POGK: variants seen among roughly 807,000 people sequenced by gnomAD.
POGK encodes pogo transposable element derived with KRAB domain.
POGK carries 16 observed loss-of-function variants against 54.4 expected under a neutral mutation model. The observed-to-expected ratio is 0.29, with a 90% CI of 0.20 to 0.45. POGK has a LOEUF of 0.45. POGK is among the 20% of genes least tolerant of loss of function. The pLI, the probability that POGK is intolerant of heterozygous loss-of-function variation, is 1.00. For missense variants in POGK, 515 were observed against 795.6 expected, an observed-to-expected ratio of 0.65 and a Z score of 4.24; for synonymous variants, 271 against 302.2, an observed-to-expected ratio of 0.90 and a Z score of 1.07.
At chr1:166,843,846 G>A (rs1230935029) in intron 2 of POGK, among the ~76,000 whole-genome samples, 3 of 152,248 alleles carry the variant, frequency 2.0e-5, no homozygotes, top group African/African-American at 7.2e-5. Context: ...TTGATCTTCT[G>A]AGGAAAGGGA....
intron 5 of POGK, 73 bp downstream of exon 5, chr1:166,850,496 A>G: frequency 6.8e-7 from 1 of 1,466,970 alleles, no homozygotes; most frequent in Admixed American, 2.4e-5. Flanking sequence ...TCTCTCCATT[A>G]TTTTTCTGTT....
chr1:166,844,644 C>G (rs1000845448), intron 2 of POGK, among the ~76,000 whole-genome samples: 2 of 152,154 alleles, frequency 1.3e-5, no homozygotes, highest in Non-Finnish European at 2.9e-5. Context: ...TTGCCTAGAT[C>G]GTATATTCAA....
chr1:166,855,012 T>C lies in POGK; in HGVS notation c.*2442T>C, dbSNP rs1658225652. 6.6e-6 allele frequency: 1 copy of C among 152,222 alleles called. No individual in the cohort carries two copies. The highest frequency in any genetic ancestry group is 2.4e-5 in the African/African-American group (1 of 41,454). The allele number at this position is 152,222 out of a possible 1,614,324, so 9.4% of individuals were successfully genotyped here. Reference sequence around the variant, plus strand: ...ATTTTGGAATGAGTCAAAGGCATGGTAGGACACGGCATTTACCTGTGGTCA... The same window carrying C: ...ATTTTGGAATGAGTCAAAGGCATGGCAGGACACGGCATTTACCTGTGGTCA... On this transcript the variant is annotated 3_prime_UTR_variant, in exon 6 of 6. Transcript: ENST00000367876.
chr1:166,842,552 C>T (rs898245807), intron 2 of POGK, among the ~76,000 whole-genome samples: 5 of 152,308 alleles, frequency 3.3e-5, no homozygotes, highest in Non-Finnish European at 7.3e-5. Context: ...CAAGGATGCA[C>T]CAGGAGCCAA....
chr1:166,844,270 C>T (rs1657742475), intron 2 of POGK, among the ~76,000 whole-genome samples: 1 of 152,100 alleles, frequency 6.6e-6, no homozygotes, highest in African/African-American at 2.4e-5. Context: ...TATTGATGGC[C>T]CCTCTGAAAT....
chr1:166,846,797 G>A, intron 3 of POGK, 59 bp downstream of exon 3: 2 of 1,598,866 alleles, frequency 1.3e-6, no homozygotes, highest in African/African-American at 2.7e-5. Context: ...TTGTTTCCAT[G>A]CCTCTCTTCT....
chr1:166,843,547 G>T (rs553594848), intron 2 of POGK, among the ~76,000 whole-genome samples: 14 of 152,296 alleles, frequency 9.2e-5, no homozygotes, highest in African/African-American at 3.4e-4. Context: ...TGATCCCCAT[G>T]TCCCTAGTTT....
chr1:166,850,442 A>T lies in POGK; in HGVS notation c.*14+19A>T. The T allele has an allele frequency of 1.3e-6, 2 of 1,562,266 alleles. No homozygotes were observed. The highest frequency in any genetic ancestry group is 1.7e-6 in the Non-Finnish European group (2 of 1,162,090). Reference sequence around the variant, plus strand: ...GGGAAAGGTAACCACTCAGGAGTAGATACTCAGTGCCTTTGCTGACATGTC... The same window carrying T: ...GGGAAAGGTAACCACTCAGGAGTAGTTACTCAGTGCCTTTGCTGACATGTC... On this transcript the variant is annotated intron_variant, in intron 5 of 5. Transcript: ENST00000367876.
Position 166,839,623 on chromosome 1 carries a change from G to GGGC in POGK, c.-3+30_-3+32dup, listed in dbSNP as rs1001626465. The GGGC allele has an allele frequency of 2.0e-5, 3 of 146,654 alleles. No homozygotes were observed. Among genetic ancestry groups the GGGC allele is most frequent in the African/African-American group, 7.3e-5 (3 of 40,930 alleles). The allele number at this position is 146,654 out of a possible 1,614,324, so 9.1% of individuals were successfully genotyped here. ...CCCGGCGGTGAGTGCGCGCGGGCGG[G>GGGC]GGCGGCGGCGGCGCGGCCCCTCCCC... On this transcript the variant is annotated intron_variant, in intron 1 of 5. Coordinates refer to ENST00000367876, the MANE Select transcript of POGK (RefSeq NM_017542.5).
chr1:166,845,572 A>G (rs2101754652), intron 2 of POGK, among the ~76,000 whole-genome samples: 2 of 152,276 alleles, frequency 1.3e-5, no homozygotes, highest in South Asian at 2.1e-4. Flanking sequence ...TGCAGGCTAT[A>G]TAGCATATGG....
chr1:166,844,675 A>C (rs1009688974), intron 2 of POGK, among the ~76,000 whole-genome samples: 1 of 152,246 alleles, frequency 6.6e-6, no homozygotes, highest in Admixed American at 6.5e-5. Flanking sequence ...TTCAGTGACT[A>C]CTAGCTACAG....
intron 2 of POGK, among the ~76,000 whole-genome samples, chr1:166,844,943 G>A (rs1228779350): frequency 2.0e-5 from 3 of 152,180 alleles, no homozygotes; most frequent in Non-Finnish European, 4.4e-5. Flanking sequence ...ACCAAGAAAG[G>A]GGAGGCCCTC....
In POGK at chr1:166,849,700, C is replaced by T; in HGVS notation, c.1121C>T (p.Ser374Leu). 2.5e-6 allele frequency: 4 copies of T among 1,614,274 alleles called. No homozygotes were observed. Among genetic ancestry groups the T allele is most frequent in the Non-Finnish European group, 2.5e-6 (3 of 1,180,056 alleles). The part of the protein sequence containing the change: ...DETPICLEVP[S>L]RVTVDNQGEK... Reference sequence around the variant, plus strand: ...ACGCCCATTTGTTTAGAGGTGCCATCACGGGTAACTGTTGATAACCAGGGC... The same window carrying T: ...ACGCCCATTTGTTTAGAGGTGCCATTACGGGTAACTGTTGATAACCAGGGC... Residue 374 changes from serine to leucine, a missense_variant, in exon 5 of 6, where the codon TCA (serine) becomes TTA (leucine). By Grantham distance (145) the Ser-to-Leu change is moderately radical. This residue lies in a region of POGK where 461 missense variants were observed against 743.5 expected (regional missense o/e 0.62). Transcript: ENST00000367876.
In POGK at chr1:166,847,558, T is replaced by A; in HGVS notation, c.324T>A (p.Ser108=). ...RLEGEEESQN[S]DEWQLQGGTS... The stretch of plus-strand genomic sequence containing the variant: ...AAGGGGAGGAGGAGTCTCAGAATTC[T>A]GACGAGTGGCAGCTCCAAGGAGGCA... Residue 108 remains serine (S), a synonymous_variant, in exon 4 of 6, where the codon TCT becomes TCA. Coordinates refer to ENST00000367876, the MANE Select transcript of POGK (RefSeq NM_017542.5). The A allele has an allele frequency of 6.2e-7, 1 of 1,613,968 alleles. No individual in the cohort carries two copies. The highest frequency in any genetic ancestry group is 8.5e-7 in the Non-Finnish European group (1 of 1,179,882).
intron 5 of POGK, chr1:166,851,315 C>T (rs1248575777): frequency 6.6e-6 from 1 of 152,170 alleles, no homozygotes; most frequent in Non-Finnish European, 1.5e-5. Flanking sequence ...ATAATAGCTT[C>T]TACTTGCTTT....
In POGK at chr1:166,853,858, C is replaced by G. The variant is rs1202259979; in HGVS notation, c.*1288C>G. 2.6e-5 allele frequency: 4 copies of G among 152,266 alleles called. No homozygotes were observed. The highest frequency in any genetic ancestry group is 5.9e-5 in the Non-Finnish European group (4 of 68,042). 9.4% of individuals were successfully genotyped at this position (152,266 alleles called of 1,614,324 possible). A position where few individuals can be genotyped will look rare whatever the true frequency, so the allele number is the denominator to read the frequency against. Reference sequence around the variant, plus strand: ...ACTGATTCACCTTTCTGATCCTTTTCAACCAGTTTTCCCCCAAGGGGGGAA... The same window carrying G: ...ACTGATTCACCTTTCTGATCCTTTTGAACCAGTTTTCCCCCAAGGGGGGAA... On this transcript the variant is annotated 3_prime_UTR_variant, in exon 6 of 6. Transcript: ENST00000367876.
At position 166,849,048 on chromosome 1, in the gene POGK, G is replaced by A; in HGVS notation, c.469G>A (p.Asp157Asn). The A allele has an allele frequency of 6.2e-7, 1 of 1,614,188 alleles. No homozygotes were observed. The change falls in exon 5 of 6, where the codon GAT becomes AAT. Residue 157 changes from aspartate (D) to asparagine (N), a missense_variant. By Grantham distance (23) the Asp-to-Asn change is conservative (BLOSUM62 1). Transcript: ENST00000367876. ...CAGCTTTGGCCTCCGTCTGCCTCGGGATATCACAGAGCTGCCCGAGTGGAG... is the reference window on the plus strand; with the variant it reads ...CAGCTTTGGCCTCCGTCTGCCTCGGAATATCACAGAGCTGCCCGAGTGGAG... ...FDSFGLRLPR[D>N]ITELPEWSEG...
intron 2 of POGK, among the ~76,000 whole-genome samples, chr1:166,844,874 G>T (rs1019685717): frequency 6.6e-6 from 1 of 152,200 alleles, no homozygotes; most frequent in Non-Finnish European, 1.5e-5. Flanking sequence ...CACAGAGTGG[G>T]CTTCCTCGGG....
chr1:166,844,761 G>A (rs939780704), intron 2 of POGK, among the ~76,000 whole-genome samples: 1 of 152,222 alleles, frequency 6.6e-6, no homozygotes, highest in African/African-American at 2.4e-5. Context: ...TTCTAGTGGA[G>A]GGAGCAGACA....
Sources: allele counts gnomAD v4.1 joint callset (sites outside exome capture counted in the v4.1 genomes callset), GRCh38; gene constraint gnomAD v4.1.1; regional missense constraint gnomAD v4.1.1; transcripts MANE v1.5; gene names NCBI Gene and HGNC (gene_info 2026-07-23, HGNC 2026-07-21).